ULK4: variants seen among roughly 807,000 people sequenced by gnomAD.
ULK4 encodes inactive serine/threonine-protein kinase ULK4.
Under a neutral mutation model 160.6 loss-of-function variants are expected in ULK4, and 133 were observed. The observed-to-expected ratio is 0.83, with a 90% CI of 0.72 to 0.96. ULK4 has a LOEUF of 0.96. ULK4 is among the 40% of genes least tolerant of loss of function. The pLI, the probability that ULK4 is intolerant of heterozygous loss-of-function variation, is 0.00. For synonymous variants in ULK4, 534 were observed against 539.8 expected, an observed-to-expected ratio of 0.99 and a Z score of 0.15; for missense variants, 1,580 against 1,499.5, an observed-to-expected ratio of 1.05 and a Z score of -0.89.
intron 34 of ULK4, among the ~76,000 whole-genome samples, chr3:41,408,486 C>T (rs183782344): frequency 6.6e-6 from 1 of 150,856 alleles, no homozygotes; most frequent in Non-Finnish European, 1.5e-5. Context: ...AAAAAACTTC[C>T]CACATTCATA....
intron 30 of ULK4, among the ~76,000 whole-genome samples, chr3:41,650,459 C>A (rs527544143): frequency 6.6e-6 from 1 of 152,336 alleles, no homozygotes; most frequent in African/African-American, 2.4e-5. Flanking sequence ...TGGATGCTAC[C>A]ACGTTCCCCA....
At position 41,385,108 on chromosome 3, in the gene ULK4, CTTAG is replaced by C. The variant is rs2081774476; in HGVS notation, c.3678+12967_3678+12970del. On this transcript the variant is annotated intron_variant, in intron 35 of 36. Transcript: ENST00000301831. ...TTAATGATATGAAATTGTTAATTTT[CTTAG>C]TTGTGATAATGGTATTATGGTTAGA... Among the ~76,000 whole-genome samples, 2 of 152,032 alleles carry C rather than the reference CTTAG, an allele frequency of 1.3e-5. 1 individual carries two copies. Among genetic ancestry groups the C allele is most frequent in the Non-Finnish European group, 2.9e-5 (2 of 67,988 alleles).
rs140709742 is a variant in ULK4 at position 41,555,424 on chromosome 3, C to T, written c.3226+10601G>A. On this transcript the variant is annotated intron_variant, in intron 32 of 36. Coordinates refer to ENST00000301831, the MANE Select transcript of ULK4 (RefSeq NM_017886.4). ...ATGAAACCAACAAACATGAAAAATG[C>T]TTAACATCACTGATCATCAGAGAAA... Among the ~76,000 whole-genome samples the T allele has an allele frequency of 8.5e-3, 1,296 of 152,032 alleles. 10 individuals are homozygous for T. The highest frequency in any genetic ancestry group is 0.041 in the Middle Eastern group (12 of 292).
intron 17 of ULK4, among the ~76,000 whole-genome samples, chr3:41,877,782 G>A (rs2125698213): frequency 6.6e-6 from 1 of 151,760 alleles, no homozygotes; most frequent in South Asian, 2.1e-4. Context: ...AGGAGTTTGA[G>A]ACCAGCCTGG....
intron 19 of ULK4, among the ~76,000 whole-genome samples, chr3:41,802,762 A>T (rs899864885): frequency 6.6e-6 from 1 of 152,216 alleles, no homozygotes; most frequent in African/African-American, 2.4e-5. Flanking sequence ...CATCATAAAA[A>T]TAAGGTTCTG....
At chr3:41,338,607 G>A (rs1370164108) in intron 35 of ULK4, among the ~76,000 whole-genome samples, 1 of 152,036 alleles carries the variant, frequency 6.6e-6, no homozygotes, top group African/African-American at 2.4e-5. Context: ...AATTTACCAG[G>A]AAGCTCTCCA....
chr3:41,371,698 C>T (rs375622277), intron 35 of ULK4, among the ~76,000 whole-genome samples: 14 of 151,996 alleles, frequency 9.2e-5, no homozygotes, highest in South Asian at 2.1e-4. Context: ...GAAAAATCAG[C>T]GCAAAAAGGA....
At chr3:41,314,053 T>C (rs1185555853) in intron 35 of ULK4, among the ~76,000 whole-genome samples, 1 of 152,150 alleles carries the variant, frequency 6.6e-6, no homozygotes, top group East Asian at 1.9e-4. Flanking sequence ...AGCCTTCAGA[T>C]GATTCCAACC....
chr3:41,359,469 C>T (rs148409202), intron 35 of ULK4, among the ~76,000 whole-genome samples: 71 of 152,230 alleles, frequency 4.7e-4, no homozygotes, highest in African/African-American at 1.7e-3. Context: ...GTCAGTGTGT[C>T]GGGAGAAGCA....
At chr3:41,766,109 A>C (rs949087967) in intron 21 of ULK4, among the ~76,000 whole-genome samples, 5 of 152,164 alleles carry the variant, frequency 3.3e-5, no homozygotes, top group African/African-American at 1.2e-4. Flanking sequence ...TCTCTACTAA[A>C]AATACAAAAA....
At chr3:41,410,889 C>G (rs1308068656) in intron 34 of ULK4, among the ~76,000 whole-genome samples, 1 of 152,124 alleles carries the variant, frequency 6.6e-6, no homozygotes, top group East Asian at 1.9e-4. Context: ...GCTGTCTTCT[C>G]GAAAGGACAC....
At chr3:41,649,353 C>G (rs1195618790) in intron 30 of ULK4, among the ~76,000 whole-genome samples, 3 of 152,146 alleles carry the variant, frequency 2.0e-5, no homozygotes, top group Non-Finnish European at 4.4e-5. Context: ...GCCCCACCCC[C>G]TACTGAGTCA....
At chr3:41,296,994 A>C (rs1168189360) in intron 35 of ULK4, among the ~76,000 whole-genome samples, 1 of 152,160 alleles carries the variant, frequency 6.6e-6, no homozygotes, top group African/African-American at 2.4e-5. Flanking sequence ...ATCTCATCCC[A>C]CATGTTTTCC....
At chr3:41,462,149 T>C (rs988605292) in intron 33 of ULK4, among the ~76,000 whole-genome samples, 1 of 152,198 alleles carries the variant, frequency 6.6e-6, no homozygotes, top group East Asian at 1.9e-4. Flanking sequence ...ACAAGCTAAA[T>C]ACTTGACCAG....
intron 30 of ULK4, among the ~76,000 whole-genome samples, chr3:41,641,239 C>A (rs887740016): frequency 6.6e-6 from 1 of 152,182 alleles, no homozygotes; most frequent in Non-Finnish European, 1.5e-5. Flanking sequence ...GGAACACGCA[C>A]TTTCTAGATG....
At chr3:41,364,635 T>C (rs751282322) in intron 35 of ULK4, among the ~76,000 whole-genome samples, 10 of 152,216 alleles carry the variant, frequency 6.6e-5, no homozygotes, top group Non-Finnish European at 1.3e-4. Context: ...CTGAATGTTA[T>C]CATTATCATT....
chr3:41,828,317 G>A, intron 18 of ULK4, among the ~76,000 whole-genome samples: 1 of 149,154 alleles, frequency 6.7e-6, no homozygotes. Context: ...GGCAGGAGAA[G>A]GAAATAAAGG....
intron 32 of ULK4, among the ~76,000 whole-genome samples, chr3:41,514,205 G>C (rs955798172): frequency 6.6e-6 from 1 of 152,020 alleles, no homozygotes; most frequent in Non-Finnish European, 1.5e-5. Flanking sequence ...AAATGATCAA[G>C]AACCACACAG....
At chr3:41,499,717 G>A (rs1575316373) in intron 32 of ULK4, among the ~76,000 whole-genome samples, 1 of 152,142 alleles carries the variant, frequency 6.6e-6, no homozygotes, top group Non-Finnish European at 1.5e-5. Flanking sequence ...AATATCCCAG[G>A]AGCAAAAAAA....
Sources: gnomAD v4.1 joint callset for allele counts (sites outside exome capture counted in the v4.1 genomes callset) on GRCh38, gnomAD v4.1.1 for gene constraint, MANE v1.5 for transcripts, NCBI Gene and HGNC (gene_info 2026-07-23, HGNC 2026-07-21) for gene names.